The following ARHGEF38 variants were observed in gnomAD, a reference collection of about 807,000 sequenced individuals.
ARHGEF38 encodes the protein Rho guanine nucleotide exchange factor 38.
ARHGEF38 carries 79 observed loss-of-function variants against 79.9 expected under a neutral mutation model. The ratio of observed to expected loss-of-function variants is 0.99; its 90% CI spans 0.82 to 1.19. The LOEUF is 1.19. Ranked by LOEUF, ARHGEF38 falls within the 50% of genes most tolerant of loss-of-function variation. ARHGEF38 has a pLI of 0.00. For synonymous variants in ARHGEF38, 366 were observed against 328.3 expected, an observed-to-expected ratio of 1.11 and a Z score of -1.24; for missense variants, 962 against 907.2, an observed-to-expected ratio of 1.06 and a Z score of -0.78.
chr4:105,577,415 G>A (rs984848212), intron 1 of ARHGEF38, among the ~76,000 whole-genome samples: 1 of 151,682 alleles, frequency 6.6e-6, no homozygotes, highest in Admixed American at 6.6e-5. Flanking sequence ...TTGTATCAGA[G>A]TGATGCTGGC....
intron 3 of ARHGEF38, among the ~76,000 whole-genome samples, chr4:105,624,063 C>T (rs569972683): frequency 6.6e-6 from 1 of 152,306 alleles, no homozygotes; most frequent in African/African-American, 2.4e-5. Flanking sequence ...CTGTTTCTCT[C>T]TTTAGGGTCC....
At chr4:105,669,550 T>C (rs1238439353) in intron 13 of ARHGEF38, among the ~76,000 whole-genome samples, 1 of 152,164 alleles carries the variant, frequency 6.6e-6, no homozygotes, top group Non-Finnish European at 1.5e-5. Context: ...CAGTTATTGA[T>C]TGCTGTCCAA....
chr4:105,564,961 A>G (rs1398359325), intron 1 of ARHGEF38, among the ~76,000 whole-genome samples: 5 of 152,222 alleles, frequency 3.3e-5, no homozygotes, highest in African/African-American at 7.2e-5. Flanking sequence ...CTTCTGCTAA[A>G]GACTTTAAAT....
At chr4:105,585,583 A>G (rs1726994470) in intron 1 of ARHGEF38, among the ~76,000 whole-genome samples, 1 of 152,194 alleles carries the variant, frequency 6.6e-6, no homozygotes, top group Non-Finnish European at 1.5e-5. Context: ...ATACAGCTGC[A>G]TATTTCTGTT....
intron 1 of ARHGEF38, among the ~76,000 whole-genome samples, chr4:105,560,987 C>G (rs1477800939): frequency 6.6e-6 from 1 of 152,108 alleles, no homozygotes; most frequent in Non-Finnish European, 1.5e-5. Context: ...ACATCCCCTC[C>G]CAGATAAAAA....
chr4:105,653,312 A>AT, intron 7 of ARHGEF38, among the ~76,000 whole-genome samples: 1 of 150,498 alleles, frequency 6.6e-6, no homozygotes, highest in South Asian at 2.1e-4. Context: ...TTGATAAAGA[A>AT]TTTTCACATT....
In ARHGEF38 at chr4:105,676,057, A is replaced by C. The variant is rs74343224; in HGVS notation, c.2149-1695A>C. Among the ~76,000 whole-genome samples the C allele has an allele frequency of 9.0e-3, 1,365 of 152,362 alleles. 19 individuals carry two copies. Among genetic ancestry groups the C allele is most frequent in the African/African-American group, 0.029 (1,215 of 41,590 alleles). ...AATCAATATCCCAATCAATTGAATC[A>C]AAGTTTCACCAAAAGTTAAATAACA... On this transcript the variant is annotated intron_variant, in intron 13 of 13. Transcript: ENST00000420470.
intron 11 of ARHGEF38, among the ~76,000 whole-genome samples, chr4:105,666,521 G>A (rs546732295): frequency 2.6e-5 from 4 of 152,068 alleles, no homozygotes; most frequent in South Asian, 2.1e-4. Context: ...TGTACATGGC[G>A]TATCCCCAAA....
At chr4:105,583,499 C>T (rs1578277618) in intron 1 of ARHGEF38, among the ~76,000 whole-genome samples, 1 of 152,164 alleles carries the variant, frequency 6.6e-6, no homozygotes, top group Non-Finnish European at 1.5e-5. Context: ...CCACCTCTCC[C>T]AGATATCTGC....
At chr4:105,588,095 T>C (rs1282395431) in intron 1 of ARHGEF38, among the ~76,000 whole-genome samples, 1 of 152,248 alleles carries the variant, frequency 6.6e-6, no homozygotes, top group Non-Finnish European at 1.5e-5. Flanking sequence ...TTAACTCTTC[T>C]GCTATATTGT....
chr4:105,583,989 T>C (rs1351408892), intron 1 of ARHGEF38, among the ~76,000 whole-genome samples: 1 of 152,198 alleles, frequency 6.6e-6, no homozygotes, highest in Non-Finnish European at 1.5e-5. Flanking sequence ...TTCCTGAGTA[T>C]GTTCCCTTTT....
intron 7 of ARHGEF38, among the ~76,000 whole-genome samples, chr4:105,650,770 G>T (rs1446887685): frequency 6.6e-6 from 1 of 152,106 alleles, no homozygotes; most frequent in African/African-American, 2.4e-5. Context: ...AATTATTTTT[G>T]TATTTACTCC....
chr4:105,664,621 G>GA (rs973393919), intron 10 of ARHGEF38, among the ~76,000 whole-genome samples: 12 of 152,146 alleles, frequency 7.9e-5, no homozygotes, highest in African/African-American at 2.9e-4. Context: ...ATTCCAGTAG[G>GA]AAAAACATAA....
rs2276970 is a variant in ARHGEF38 at position 105,589,313 on chromosome 4, A to G, written c.262A>G (p.Met88Val). 144,702 of 1,613,932 alleles carry G rather than the reference A, an allele frequency of 0.09. 6,828 individuals are homozygous for G. The highest frequency in any genetic ancestry group is 0.1 in the African/African-American group (7,791 of 75,042). Residue 88 changes from methionine (M) to valine (V), a missense_variant, in exon 2 of 14, where the codon ATG (methionine) becomes GTG (valine). Coordinates refer to ENST00000420470, the MANE Select transcript of ARHGEF38 (RefSeq NM_001242729.2). ...CTTAACCCCAGAGGAAGAGCATCAT[A>G]TGAAGAGGATGATGGCAAAGCGGGA... ...ETLTPEEEHH[M>V]KRMMAKREKI...
intron 10 of ARHGEF38, among the ~76,000 whole-genome samples, chr4:105,659,746 G>A (rs1386545465): frequency 6.6e-6 from 1 of 151,828 alleles, no homozygotes; most frequent in East Asian, 1.9e-4. Flanking sequence ...TTAAGATGTG[G>A]CTCTAAAAAG....
intron 11 of ARHGEF38, among the ~76,000 whole-genome samples, chr4:105,666,713 G>A (rs1056324748): frequency 2.0e-5 from 3 of 152,084 alleles, no homozygotes; most frequent in African/African-American, 7.2e-5. Flanking sequence ...GCTGAGGGGG[G>A]GAGTATAAGC....
chr4:105,677,266 A>G (rs900425357), intron 13 of ARHGEF38, among the ~76,000 whole-genome samples: 1 of 152,080 alleles, frequency 6.6e-6, no homozygotes, highest in African/African-American at 2.4e-5. Flanking sequence ...CCCGGCCTGC[A>G]CCGTTTTTAA....
chr4:105,640,005 T>A (rs1729554636), intron 5 of ARHGEF38, among the ~76,000 whole-genome samples: 1 of 152,062 alleles, frequency 6.6e-6, no homozygotes, highest in African/African-American at 2.4e-5. Flanking sequence ...TACTTTCACA[T>A]CTTTAGCTGT....
chr4:105,659,012 C>T (rs775655058), intron 9 of ARHGEF38, 42 bp from the exon 10 acceptor site: 14 of 1,486,356 alleles, frequency 9.4e-6, no homozygotes, highest in Non-Finnish European at 1.2e-5. Context: ...AAGGTATGGG[C>T]TGATCCTCTC....
Sources: gnomAD v4.1 joint callset for allele counts (sites outside exome capture counted in the v4.1 genomes callset) on GRCh38, gnomAD v4.1.1 for gene constraint, MANE v1.5 for transcripts, NCBI Gene and HGNC (gene_info 2026-07-23, HGNC 2026-07-21) for gene names.